The following GOLM2 variants were observed in gnomAD, a reference collection of about 807,000 sequenced individuals.
The protein encoded by GOLM2 is golgi membrane protein 2.
GOLM2 carries 26 observed loss-of-function variants against 55.9 expected under a neutral mutation model. The observed-to-expected ratio is 0.47, with a 90% confidence interval of 0.34 to 0.65. The LOEUF (loss-of-function observed/expected upper bound fraction) is 0.65, where lower values mean the gene tolerates loss of function less well. GOLM2 is among the 30% of genes least tolerant of loss of function. The probability of loss-of-function intolerance (pLI) is 0.01; values close to 1 mark genes in which losing one functional copy is unlikely to be tolerated. For synonymous variants in GOLM2, 165 were observed against 194.6 expected (o/e 0.85, Z 1.27); for missense variants, 486 against 531.8 (o/e 0.91, Z 0.85).
chr15:44,367,579 A>ATCAT (rs1595652249), intron 6 of GOLM2, among the ~76,000 whole-genome samples: 1 of 151,980 alleles, frequency 6.6e-6, no homozygotes, highest in African/African-American at 2.4e-5. Flanking sequence ...GTGGATCATG[A>ATCAT]GGTCAAGAGA....
At chr15:44,338,139 G>A in intron 5 of GOLM2, 98 bp from the exon 6 acceptor site, 2 of 1,154,410 alleles carry the variant, frequency 1.7e-6, no homozygotes, top group South Asian at 2.7e-5. Context: ...AGTTGATGTA[G>A]CCTATTACTT....
chr15:44,382,603 A>G (rs996472292), intron 8 of GOLM2, among the ~76,000 whole-genome samples: 1 of 152,162 alleles, frequency 6.6e-6, no homozygotes, highest in African/African-American at 2.4e-5. Context: ...CTGGGATTAC[A>G]GTCATGAACT....
chr15:44,385,942 CTAATCAGGTG>C (rs2079441131), intron 8 of GOLM2, among the ~76,000 whole-genome samples: 1 of 152,180 alleles, frequency 6.6e-6, no homozygotes, highest in South Asian at 2.1e-4. Context: ...TTACTAGACC[CTAATCAGGTG>C]TATGATTTGC....
intron 1 of GOLM2, among the ~76,000 whole-genome samples, chr15:44,320,099 C>G (rs1317507103): frequency 6.6e-6 from 1 of 152,200 alleles, no homozygotes; most frequent in Admixed American, 6.5e-5. Flanking sequence ...CCCCCAGCCC[C>G]TGGCAGCCAC....
At chr15:44,363,918 T>A (rs2079263068) in intron 6 of GOLM2, among the ~76,000 whole-genome samples, 3 of 152,036 alleles carry the variant, frequency 2.0e-5, no homozygotes, top group Admixed American at 2.0e-4. Flanking sequence ...CTGGAAATAA[T>A]CATTCTCAGT....
At chr15:44,383,120 T>TATATACATATACAGAATATATGTATAC (rs1366364040) in intron 8 of GOLM2, among the ~76,000 whole-genome samples, 6 of 151,048 alleles carry the variant, frequency 4.0e-5, no homozygotes, top group East Asian at 1.9e-4. Context: ...CTGTATATAT[T>TATATACATATACAGAATATATGTATAC]ATATACATAT....
chr15:44,408,989 C>A (rs2079616309), intron 9 of GOLM2, among the ~76,000 whole-genome samples: 1 of 151,504 alleles, frequency 6.6e-6, no homozygotes, highest in African/African-American at 2.4e-5. Flanking sequence ...CAAACAAATC[C>A]CAAAAAGGAC....
intron 6 of GOLM2, among the ~76,000 whole-genome samples, chr15:44,353,036 G>GA (rs893604922): frequency 9.2e-5 from 14 of 151,492 alleles, no homozygotes; most frequent in African/African-American, 3.2e-4. Flanking sequence ...AACCATATAA[G>GA]AAAAAAAATC....
At position 44,413,810 on chromosome 15, in the gene GOLM2, C is replaced by CTT. The variant is rs878960875; in HGVS notation, c.*420_*421dup. 4.6e-4 allele frequency: 63 copies of CTT among 136,964 alleles called. No homozygotes were observed. The highest frequency in any genetic ancestry group is 8.0e-4 in the African/African-American group (30 of 37,438). The allele number at this position is 136,964 out of a possible 1,614,324, so 8.5% of individuals were successfully genotyped here. A position where few individuals can be genotyped will look rare whatever the true frequency, so the allele number is the denominator to read the frequency against. On this transcript the variant is annotated 3_prime_UTR_variant, in exon 10 of 10. Coordinates refer to ENST00000299957, the MANE Select transcript of GOLM2 (RefSeq NM_138423.4). Reference sequence around the variant, plus strand: ...GCAGAAAACTTTTTATACTCTAATTCTTTTTTTTTTTTTTTTTGAGACAGA... The same window carrying CTT: ...GCAGAAAACTTTTTATACTCTAATTCTTTTTTTTTTTTTTTTTTTGAGACAGA...
intron 9 of GOLM2, among the ~76,000 whole-genome samples, chr15:44,405,681 T>C (rs1157782220): frequency 6.6e-6 from 1 of 151,970 alleles, no homozygotes; most frequent in Admixed American, 6.6e-5. Context: ...AGTGCAGTGG[T>C]GCGATCTCAG....
intron 6 of GOLM2, among the ~76,000 whole-genome samples, chr15:44,353,434 T>A (rs1302198967): frequency 6.6e-6 from 1 of 152,070 alleles, no homozygotes; most frequent in African/African-American, 2.4e-5. Flanking sequence ...TGCAGAAAAA[T>A]ATATATATAG....
Position 44,318,371 on chromosome 15 carries a change from C to G in GOLM2, c.328-4594C>G, listed in dbSNP as rs145484389. On this transcript the variant is annotated intron_variant, in intron 1 of 9. Coordinates refer to ENST00000299957, the MANE Select transcript of GOLM2 (RefSeq NM_138423.4). ...GTCTCCCTCCTTCTCATCTTGCCCA[C>G]TCTGGTCTACTCTTCATGTTGCAGC... 6.6e-5 allele frequency among the ~76,000 whole-genome samples: 10 copies of G among 152,354 alleles called. No individual in the cohort carries two copies. In the East Asian group the frequency reaches 1.9e-3, roughly 29 times the overall value.
chr15:44,334,939 G>C (rs1451897605), intron 4 of GOLM2, among the ~76,000 whole-genome samples: 1 of 152,170 alleles, frequency 6.6e-6, no homozygotes. Context: ...GCTGAGGCAG[G>C]AGAATCCTTT....
chr15:44,313,494 C>A (rs1192502282), intron 1 of GOLM2, among the ~76,000 whole-genome samples: 1 of 152,202 alleles, frequency 6.6e-6, no homozygotes, highest in Admixed American at 6.5e-5. Flanking sequence ...TGTCTGTAAT[C>A]TTCTCATTCT....
intron 3 of GOLM2, among the ~76,000 whole-genome samples, chr15:44,330,134 TCTC>T (rs2079012335): frequency 7.0e-6 from 1 of 143,062 alleles, no homozygotes; most frequent in Non-Finnish European, 1.5e-5. Flanking sequence ...ATGGTCTCGA[TCTC>T]CTGACCTCGT....
At chr15:44,413,104 TTGTC>T (rs2079649560) in intron 9 of GOLM2, among the ~76,000 whole-genome samples, 1 of 149,126 alleles carries the variant, frequency 6.7e-6, no homozygotes, top group East Asian at 1.9e-4. Context: ...CTATTTCTGT[TTGTC>T]TGTCATCTAT....
chr15:44,345,104 C>T (rs1161999664), intron 6 of GOLM2, among the ~76,000 whole-genome samples: 1 of 151,496 alleles, frequency 6.6e-6, no homozygotes, highest in African/African-American at 2.4e-5. Flanking sequence ...AGCCACCGCG[C>T]CTGGCCTATT....
At chr15:44,362,773 T>A (rs1457625056) in intron 6 of GOLM2, among the ~76,000 whole-genome samples, 1 of 152,182 alleles carries the variant, frequency 6.6e-6, no homozygotes, top group Non-Finnish European at 1.5e-5. Context: ...AGAGGCATCA[T>A]GCTACCTGAC....
At chr15:44,405,748 G>T (rs934515491) in intron 9 of GOLM2, among the ~76,000 whole-genome samples, 2 of 152,034 alleles carry the variant, frequency 1.3e-5, no homozygotes, top group Admixed American at 1.3e-4. Flanking sequence ...AGCCTCCTGA[G>T]TAGCTGAGAC....
Sources: allele counts gnomAD v4.1 joint callset (sites outside exome capture counted in the v4.1 genomes callset), GRCh38; gene constraint gnomAD v4.1.1; transcripts MANE v1.5; gene names NCBI Gene and HGNC (gene_info 2026-07-23, HGNC 2026-07-21).